CNTLN: variants seen among roughly 807,000 people sequenced by gnomAD.
CNTLN encodes the protein centlein.
CNTLN carries 212 observed loss-of-function variants against 180.0 expected under a neutral mutation model. The observed-to-expected ratio is 1.18, with a 90% confidence interval of 1.05 to 1.32. The LOEUF is 1.32. Among genes scored for constraint, CNTLN ranks in the 40% most tolerant of loss-of-function variants. CNTLN has a pLI of 0.00. For synonymous variants in CNTLN, 722 were observed against 563.1 expected (o/e 1.28, Z -3.99); for missense variants, 2,095 against 1,610.9 (o/e 1.30, Z -5.14).
chr9:17,160,391 T>G (rs1157874482), intron 2 of CNTLN, among the ~76,000 whole-genome samples: 1 of 152,176 alleles, frequency 6.6e-6, no homozygotes, highest in African/African-American at 2.4e-5. Context: ...TTTAGTTATT[T>G]TACTACCTAA....
At chr9:17,322,417 C>A (rs1285483469) in intron 8 of CNTLN, among the ~76,000 whole-genome samples, 1 of 151,914 alleles carries the variant, frequency 6.6e-6, no homozygotes, top group African/African-American at 2.4e-5. Flanking sequence ...AAAAATAAAC[C>A]ATTTCTGCTA....
chr9:17,528,305 A>G, the CNTLN span, among the ~76,000 whole-genome samples: 2 of 152,360 alleles, frequency 1.3e-5, no homozygotes, highest in Admixed American at 6.5e-5. Flanking sequence ...TCTCATTGGT[A>G]ATACTGTGTG....
At chr9:17,160,001 A>G (rs1372756116) in intron 2 of CNTLN, among the ~76,000 whole-genome samples, 1 of 152,202 alleles carries the variant, frequency 6.6e-6, no homozygotes, top group African/African-American at 2.4e-5. Flanking sequence ...TTATACTTCA[A>G]TAGATAAATA....
chr9:17,167,479 T>C (rs1312369002), intron 2 of CNTLN: 1 of 152,250 alleles, frequency 6.6e-6, no homozygotes, highest in African/African-American at 2.4e-5. Flanking sequence ...AAGCATGTGT[T>C]TAATGTCAGA....
At chr9:17,158,085 A>G (rs1406348282) in intron 2 of CNTLN, among the ~76,000 whole-genome samples, 2 of 152,204 alleles carry the variant, frequency 1.3e-5, no homozygotes, top group Non-Finnish European at 2.9e-5. Flanking sequence ...CCAAAATTTG[A>G]AACACTTCTG....
At chr9:17,520,146 A>T in the CNTLN span, among the ~76,000 whole-genome samples, 1 of 152,194 alleles carries the variant, frequency 6.6e-6, no homozygotes, top group Non-Finnish European at 1.5e-5. Context: ...TTGCTTCATT[A>T]ATTACTGTTT....
At chr9:17,401,240 G>C (rs374844678) in intron 15 of CNTLN, among the ~76,000 whole-genome samples, 18 of 152,282 alleles carry the variant, frequency 1.2e-4, no homozygotes, top group African/African-American at 4.3e-4. Context: ...TTAAGTTTTT[G>C]ATGGATGACC....
chr9:17,260,546 G>T (rs1456750124), intron 5 of CNTLN, among the ~76,000 whole-genome samples: 3 of 151,020 alleles, frequency 2.0e-5, no homozygotes, highest in East Asian at 1.9e-4. Flanking sequence ...GTTTCTTATG[G>T]TTTCTGGATG....
intron 13 of CNTLN, among the ~76,000 whole-genome samples, chr9:17,372,156 A>G (rs1178789037): frequency 6.6e-6 from 1 of 152,170 alleles, no homozygotes; most frequent in African/African-American, 2.4e-5. Flanking sequence ...ACAATATGAA[A>G]AAATCATTAA....
chr9:17,343,118 A>G (rs10810766), intron 12 of CNTLN, among the ~76,000 whole-genome samples: 43,700 of 152,200 alleles, frequency 0.29, 6,654 homozygotes, highest in South Asian at 0.51. Context: ...AACTTGATGA[A>G]GGATACTCAT....
chr9:17,493,547 G>C (rs1833284735), intron 25 of CNTLN, among the ~76,000 whole-genome samples: 1 of 152,052 alleles, frequency 6.6e-6, no homozygotes, highest in Non-Finnish European at 1.5e-5. Context: ...TCCTATTCTT[G>C]CACCTTGAAA....
Position 17,464,536 on chromosome 9 carries a change from T to A in CNTLN, c.3444T>A (p.His1148Gln). 1.3e-6 allele frequency: 2 copies of A among 1,530,700 alleles called. No individual in the cohort carries two copies. Among genetic ancestry groups the A allele is most frequent in the Non-Finnish European group, 1.7e-6 (2 of 1,147,620 alleles). The allele number at this position is 1,530,700 out of a possible 1,614,324, so 94.8% of individuals were successfully genotyped here. ...RMERDITMKR[H>Q]LIEDLKFRQK... ...AGAGGGATATAACTATGAAAAGACA[T>A]TTGATAGAGGACTTGAAATTTCGAC... Residue 1148 changes from histidine (H) to glutamine (Q), a missense_variant, in exon 21 of 26, where the codon CAT becomes CAA. His to Gln is a conservative substitution (Grantham distance 24). Coordinates refer to ENST00000380647, the MANE Select transcript of CNTLN (RefSeq NM_017738.4).
intron 2 of CNTLN, among the ~76,000 whole-genome samples, chr9:17,214,791 A>G (rs933581436): frequency 1.3e-5 from 2 of 151,970 alleles, no homozygotes; most frequent in African/African-American, 4.8e-5. Flanking sequence ...TTCTCACTTC[A>G]TTTCATTCAT....
In CNTLN at chr9:17,463,025, G is replaced by T; in HGVS notation, c.3404+12G>T. 1 of 1,523,174 alleles carries T rather than the reference G, an allele frequency of 6.6e-7. No individual in the cohort carries two copies. The highest frequency in any genetic ancestry group is 1.2e-5 in the South Asian group (1 of 84,070). The allele number at this position is 1,523,174 out of a possible 1,614,324, so 94.4% of individuals were successfully genotyped here. A position where few individuals can be genotyped will look rare whatever the true frequency, so the allele number is the denominator to read the frequency against. Reference sequence around the variant, plus strand: ...GAAATGCATGAAAAGTATGGTTTTTGTATTTCTATCCATTGTATTTGGTGC... The same window carrying T: ...GAAATGCATGAAAAGTATGGTTTTTTTATTTCTATCCATTGTATTTGGTGC... On this transcript the variant is annotated intron_variant, in intron 20 of 25. Transcript: ENST00000380647.
chr9:17,137,433 G>T (rs1586881932), intron 1 of CNTLN, among the ~76,000 whole-genome samples: 1 of 152,100 alleles, frequency 6.6e-6, no homozygotes, highest in African/African-American at 2.4e-5. Context: ...TTCAGCTAGA[G>T]ATCACAGTAC....
chr9:17,277,796 A>T (rs1227802253), intron 6 of CNTLN, among the ~76,000 whole-genome samples: 1 of 152,144 alleles, frequency 6.6e-6, no homozygotes, highest in African/African-American at 2.4e-5. Flanking sequence ...TATAATGAAA[A>T]ATGTGTATTA....
chr9:17,367,864 G>A (rs1008463782), intron 13 of CNTLN, among the ~76,000 whole-genome samples: 1 of 150,330 alleles, frequency 6.7e-6, no homozygotes, highest in African/African-American at 2.5e-5. Flanking sequence ...GGTACACTGT[G>A]GGTCTTGGCT....
intron 5 of CNTLN, among the ~76,000 whole-genome samples, chr9:17,263,886 G>A (rs1408215954): frequency 7.3e-6 from 1 of 137,354 alleles, no homozygotes; most frequent in African/African-American, 2.9e-5. Flanking sequence ...TTTTTGATGG[G>A]GTTGTTTGTT....
At chr9:17,228,906 A>C (rs1824643295) in intron 3 of CNTLN, among the ~76,000 whole-genome samples, 1 of 152,052 alleles carries the variant, frequency 6.6e-6, no homozygotes, top group African/African-American at 2.4e-5. Flanking sequence ...TTTTGAAGGT[A>C]AGGTTTTGAG....
Sources: gnomAD v4.1 joint callset for allele counts (sites outside exome capture counted in the v4.1 genomes callset) on GRCh38, gnomAD v4.1.1 for gene constraint, MANE v1.5 for transcripts, NCBI Gene and HGNC (gene_info 2026-07-23, HGNC 2026-07-21) for gene names.